The following GRM7 variants were observed in gnomAD, a reference collection of about 807,000 sequenced individuals.
GRM7 encodes the protein glutamate metabotropic receptor 7.
Under a neutral mutation model 84.5 loss-of-function variants are expected in GRM7, and 35 were observed. The ratio of observed to expected loss-of-function variants is 0.41; its 90% CI spans 0.32 to 0.55. The LOEUF is 0.55. Among genes scored for constraint, GRM7 ranks in the 20% least tolerant of loss-of-function variants. GRM7 has a pLI of 0.19. For missense variants in GRM7, 1,003 were observed against 1,194.6 expected (o/e 0.84, Z 2.36); for synonymous variants, 487 against 455.1 (o/e 1.07, Z -0.89).
chr3:7,313,221 G>A (rs542804863), intron 4 of GRM7, among the ~76,000 whole-genome samples: 49 of 152,160 alleles, frequency 3.2e-4, no homozygotes, highest in African/African-American at 1.0e-3. Flanking sequence ...GACCCACTGC[G>A]CCCAGCCTCT....
At chr3:7,616,901 G>A (rs1015716446) in intron 8 of GRM7, among the ~76,000 whole-genome samples, 8 of 152,074 alleles carry the variant, frequency 5.3e-5, no homozygotes, top group Admixed American at 2.6e-4. Flanking sequence ...AAATTAATAC[G>A]TAGATTCAAT....
chr3:7,342,406 C>T (rs554285995), intron 4 of GRM7, among the ~76,000 whole-genome samples: 4 of 152,242 alleles, frequency 2.6e-5, no homozygotes, highest in African/African-American at 7.2e-5. Flanking sequence ...CTTCCAAGCC[C>T]ATGCTAGACA....
chr3:7,355,235 C>G (rs978076258), intron 4 of GRM7, among the ~76,000 whole-genome samples: 4 of 152,088 alleles, frequency 2.6e-5, no homozygotes, highest in African/African-American at 9.7e-5. Flanking sequence ...GGAAGAGGCA[C>G]AATGCCTAGT....
At chr3:7,318,280 G>A (rs1017015581) in intron 4 of GRM7, among the ~76,000 whole-genome samples, 3 of 151,978 alleles carry the variant, frequency 2.0e-5, no homozygotes, top group African/African-American at 7.2e-5. Flanking sequence ...GTGCATCACT[G>A]GGGAGAAGGA....
At chr3:7,238,476 C>A (rs1697424688) in intron 2 of GRM7, among the ~76,000 whole-genome samples, 1 of 152,082 alleles carries the variant, frequency 6.6e-6, no homozygotes, top group African/African-American at 2.4e-5. Flanking sequence ...CATATTAGTT[C>A]TCATGTTGTC....
At chr3:7,619,097 T>C (rs2125086561) in intron 8 of GRM7, among the ~76,000 whole-genome samples, 1 of 152,200 alleles carries the variant, frequency 6.6e-6, no homozygotes, top group African/African-American at 2.4e-5. Context: ...CCTGAGATGT[T>C]CAGGAAATTA....
rs556322289 is a variant in GRM7 at position 7,480,024 on chromosome 3, TCAGA to T, written c.1515+18305_1515+18308del. Among the ~76,000 whole-genome samples the T allele has an allele frequency of 2.0e-4, 31 of 152,346 alleles. No homozygotes were observed. The South Asian group carries it at 6.2e-3, about 31-fold the overall frequency. On this transcript the variant is annotated intron_variant, in intron 7 of 9. Transcript: ENST00000357716. ...TAGTGCACAATGGATACCGCACTTG[TCAGA>T]CAAAGATGCAGTCATTAGTCAAGAA...
intron 1 of GRM7, among the ~76,000 whole-genome samples, chr3:6,963,568 T>C (rs1693386411): frequency 6.7e-6 from 1 of 148,170 alleles, no homozygotes; most frequent in South Asian, 2.1e-4. Context: ...CAGGTTACAG[T>C]GAGCCCTCCA....
At chr3:7,189,652 G>T (rs1017303778) in intron 2 of GRM7, among the ~76,000 whole-genome samples, 1 of 152,088 alleles carries the variant, frequency 6.6e-6, no homozygotes, top group Non-Finnish European at 1.5e-5. Flanking sequence ...CTTACATGAT[G>T]GGATAATAGA....
intron 4 of GRM7, among the ~76,000 whole-genome samples, chr3:7,312,936 C>CTTTTT (rs372557190): frequency 6.3e-5 from 8 of 127,274 alleles, no homozygotes; most frequent in Non-Finnish European, 1.0e-4. Context: ...TTCTTTTTTT[C>CTTTTT]TTTTTTTTTT....
chr3:7,188,045 C>T lies in GRM7; in HGVS notation c.736+41377C>T, dbSNP rs906648911. On this transcript the variant is annotated intron_variant, in intron 2 of 9. Transcript: ENST00000357716. This position sits in a 1 kb window ranked among gnomAD's most constrained non-coding sequence, Gnocchi z 4.2. ...AAAGAAAGGCAAACCTAGAAGGATTCGAGTTCCCTGGTGAGTTTAATAGAG... is the reference window on the plus strand; with the variant it reads ...AAAGAAAGGCAAACCTAGAAGGATTTGAGTTCCCTGGTGAGTTTAATAGAG... 1.3e-5 allele frequency among the ~76,000 whole-genome samples: 2 copies of T among 152,082 alleles called. No individual in the cohort carries two copies. Among genetic ancestry groups the T allele is most frequent in the Non-Finnish European group, 2.9e-5 (2 of 68,018 alleles).
At chr3:7,294,787 A>C (rs1436063829) in intron 2 of GRM7, among the ~76,000 whole-genome samples, 10 of 152,194 alleles carry the variant, frequency 6.6e-5, no homozygotes, top group Admixed American at 6.5e-4. Flanking sequence ...CAAACTGACT[A>C]AGAATCTCTA....
intron 8 of GRM7, among the ~76,000 whole-genome samples, chr3:7,652,728 A>C (rs1699002830): frequency 6.6e-6 from 1 of 152,366 alleles, no homozygotes; most frequent in South Asian, 2.1e-4. Flanking sequence ...AGTCAAAATA[A>C]GCAAAACCCA....
chr3:6,864,237 GA>G (rs1349995850), intron 1 of GRM7, among the ~76,000 whole-genome samples: 1 of 152,206 alleles, frequency 6.6e-6, no homozygotes, highest in African/African-American at 2.4e-5. Flanking sequence ...CTGGTAGTCT[GA>G]GGAATGCACC....
At chr3:7,555,252 G>C (rs920860989) in intron 7 of GRM7, among the ~76,000 whole-genome samples, 3 of 152,180 alleles carry the variant, frequency 2.0e-5, no homozygotes, top group African/African-American at 7.2e-5. Flanking sequence ...GCTGTCACTA[G>C]TAATAATAAG....
chr3:7,536,876 T>G (rs7652246), intron 7 of GRM7, among the ~76,000 whole-genome samples: 16,083 of 152,250 alleles, frequency 0.11, 960 homozygotes, highest in South Asian at 0.13. Context: ...CTCACCCTCA[T>G]AAATAGTGTG....
chr3:7,379,832 C>A (rs532512131), intron 4 of GRM7, among the ~76,000 whole-genome samples: 105 of 152,178 alleles, frequency 6.9e-4, no homozygotes, highest in African/African-American at 2.4e-3. Flanking sequence ...TTTAGTTGCC[C>A]AGGGTGCAGT....
intron 1 of GRM7, among the ~76,000 whole-genome samples, chr3:6,896,453 G>A (rs145730143): frequency 6.6e-6 from 1 of 152,162 alleles, no homozygotes; most frequent in Non-Finnish European, 1.5e-5. Context: ...AATAGATTTT[G>A]CTTGATATAA....
At chr3:7,718,258 C>T (rs761729833) in intron 9 of GRM7, among the ~76,000 whole-genome samples, 28 of 152,174 alleles carry the variant, frequency 1.8e-4, no homozygotes, top group Non-Finnish European at 3.5e-4. Context: ...GTTAAGCAAA[C>T]GCTCTTTCAT....
Sources: gnomAD v4.1 joint callset for allele counts (sites outside exome capture counted in the v4.1 genomes callset) on GRCh38, gnomAD v4.1.1 for gene constraint, Gnocchi (gnomAD v3.1) non-coding constraint, MANE v1.5 for transcripts, NCBI Gene and HGNC (gene_info 2026-07-23, HGNC 2026-07-21) for gene names.